KIAA0232: variants seen among roughly 807,000 people sequenced by gnomAD.
The protein encoded by KIAA0232 is uncharacterized protein KIAA0232.
In KIAA0232, 27 loss-of-function variants were observed where a neutral mutation model predicts 122.0. The ratio of observed to expected loss-of-function variants is 0.22; its 90% CI spans 0.16 to 0.31. The LOEUF (loss-of-function observed/expected upper bound fraction) is 0.31. KIAA0232 is among the 10% of genes least tolerant of loss of function. KIAA0232 has a pLI of 1.00. For missense variants in KIAA0232, 1,551 were observed against 1,634.2 expected (o/e 0.95, Z 0.88); for synonymous variants, 613 against 587.6 (o/e 1.04, Z -0.63).
chr4:6,797,088 C>A (rs896519969), intron 1 of KIAA0232, among the ~76,000 whole-genome samples: 1 of 152,150 alleles, frequency 6.6e-6, no homozygotes, highest in African/African-American at 2.4e-5. Context: ...AGACATTATA[C>A]TTTTTTCCTC....
chr4:6,786,617 T>A (rs558134585), intron 1 of KIAA0232, among the ~76,000 whole-genome samples: 34 of 152,350 alleles, frequency 2.2e-4, no homozygotes, highest in African/African-American at 7.9e-4. Context: ...CCAGATGAAG[T>A]ATTTTTAATA....
rs1722190048 is a variant in KIAA0232, at chr4:6,883,912, T to C, written c.*2946T>C. ...ATTTACATTCAAGAGTGTACTATAC[T>C]TGTTCTTCTATAACATCAGAAATAG... On this transcript the variant is annotated 3_prime_UTR_variant, in exon 10 of 10. Transcript: ENST00000307659. 6.6e-6 allele frequency: 1 copy of C among 152,224 alleles called. No individual in the cohort carries two copies. Among genetic ancestry groups the C allele is most frequent in the African/African-American group, 2.4e-5 (1 of 41,454 alleles). 9.4% of individuals were successfully genotyped at this position (152,224 alleles called of 1,614,324 possible).
intron 3 of KIAA0232, 146 bp from the exon 4 acceptor site, chr4:6,841,921 C>G: frequency 2.4e-6 from 2 of 843,738 alleles, no homozygotes; most frequent in Non-Finnish European, 3.7e-6. Flanking sequence ...AATGCCAGCT[C>G]CCTTCGTCGC....
intron 9 of KIAA0232, among the ~76,000 whole-genome samples, chr4:6,877,280 G>A (rs1217896176): frequency 6.6e-6 from 1 of 152,140 alleles, no homozygotes; most frequent in Non-Finnish European, 1.5e-5. Context: ...CTTGCGTTCC[G>A]TTTCTGCATG....
At chr4:6,837,591 G>A (rs920988889) in intron 3 of KIAA0232, among the ~76,000 whole-genome samples, 13 of 152,210 alleles carry the variant, frequency 8.5e-5, no homozygotes, top group Admixed American at 1.3e-4. Context: ...GTAGCGAGCC[G>A]AGATCACGCC....
At chr4:6,786,590 G>T (rs1392906867) in intron 1 of KIAA0232, among the ~76,000 whole-genome samples, 3 of 152,172 alleles carry the variant, frequency 2.0e-5, no homozygotes, top group Non-Finnish European at 2.9e-5. Flanking sequence ...TTACAAGCAT[G>T]AGCCACCGCA....
At chr4:6,810,897 G>C (rs567693069) in intron 2 of KIAA0232, among the ~76,000 whole-genome samples, 13 of 152,220 alleles carry the variant, frequency 8.5e-5, no homozygotes, top group African/African-American at 3.1e-4. Flanking sequence ...TCTTACCCCA[G>C]TCAGAATGGC....
At chr4:6,826,566 G>A (rs536204582) in intron 3 of KIAA0232, among the ~76,000 whole-genome samples, 1 of 149,050 alleles carries the variant, frequency 6.7e-6, no homozygotes, top group East Asian at 2.0e-4. Flanking sequence ...GTGCAGTGGC[G>A]TGATCATAGC....
chr4:6,844,239 C>G (rs796175197), intron 4 of KIAA0232, among the ~76,000 whole-genome samples: 2 of 151,890 alleles, frequency 1.3e-5, no homozygotes, highest in South Asian at 2.1e-4. Flanking sequence ...CGCACCCGAC[C>G]AAGTTACCCA....
chr4:6,813,230 A>G (rs1193505178), intron 2 of KIAA0232, among the ~76,000 whole-genome samples: 1 of 152,194 alleles, frequency 6.6e-6, no homozygotes, highest in Non-Finnish European at 1.5e-5. Flanking sequence ...CTTCTTCAAA[A>G]CAATTCCTCA....
intron 1 of KIAA0232, among the ~76,000 whole-genome samples, chr4:6,791,289 T>G (rs1298951205): frequency 2.0e-5 from 3 of 150,860 alleles, no homozygotes. Flanking sequence ...GCCAAAACAT[T>G]GGAATACAAG....
intron 9 of KIAA0232, among the ~76,000 whole-genome samples, chr4:6,878,974 C>A (rs1310109910): frequency 6.6e-6 from 1 of 152,112 alleles, no homozygotes; most frequent in Non-Finnish European, 1.5e-5. Flanking sequence ...GCCTCAAACC[C>A]CAAACTGAGA....
chr4:6,784,331 C>G (rs1432326221), intron 1 of KIAA0232, among the ~76,000 whole-genome samples: 2 of 151,822 alleles, frequency 1.3e-5, no homozygotes, highest in African/African-American at 4.8e-5. Flanking sequence ...GTGGATAAAA[C>G]TGTGCGGTAA....
At chr4:6,852,932 G>C (rs1720372096) in intron 4 of KIAA0232, among the ~76,000 whole-genome samples, 1 of 152,228 alleles carries the variant, frequency 6.6e-6, no homozygotes, top group African/African-American at 2.4e-5. Context: ...GTCACTGTGG[G>C]AGGGGCCCAA....
chr4:6,853,581 G>GT (rs1720408447), intron 4 of KIAA0232, among the ~76,000 whole-genome samples: 1 of 152,172 alleles, frequency 6.6e-6, no homozygotes, highest in East Asian at 1.9e-4. Flanking sequence ...TATCATGTAG[G>GT]TTAGTGATCA....
chr4:6,873,871 G>T (rs1373478840), intron 8 of KIAA0232, among the ~76,000 whole-genome samples: 1 of 152,148 alleles, frequency 6.6e-6, no homozygotes, highest in Non-Finnish European at 1.5e-5. Flanking sequence ...GTGGGTTGGG[G>T]CATTTAGTCT....
intron 2 of KIAA0232, among the ~76,000 whole-genome samples, chr4:6,818,537 A>G (rs555128773): frequency 6.6e-6 from 1 of 152,180 alleles, no homozygotes; most frequent in East Asian, 1.9e-4. Context: ...AGGAGGTGAA[A>G]GATCTCTGCA....
At chr4:6,827,715 T>G (rs1228213350) in intron 3 of KIAA0232, among the ~76,000 whole-genome samples, 1 of 152,212 alleles carries the variant, frequency 6.6e-6, no homozygotes, top group Non-Finnish European at 1.5e-5. Context: ...CAGATCCTAG[T>G]CTTGTTTAAG....
chr4:6,828,170 T>A (rs984702857), intron 3 of KIAA0232, among the ~76,000 whole-genome samples: 5 of 152,092 alleles, frequency 3.3e-5, no homozygotes, highest in African/African-American at 1.2e-4. Context: ...TAATCTTTTT[T>A]AAAAAAGTTT....
Sources: gnomAD v4.1 joint callset for allele counts (sites outside exome capture counted in the v4.1 genomes callset) on GRCh38, gnomAD v4.1.1 for gene constraint, MANE v1.5 for transcripts, NCBI Gene and HGNC (gene_info 2026-07-23, HGNC 2026-07-21) for gene names.